The following KBTBD12 variants were observed in gnomAD, a reference collection of about 807,000 sequenced individuals.
The protein encoded by KBTBD12 is kelch repeat and BTB domain-containing protein 12.
KBTBD12 carries 53 observed loss-of-function variants against 58.7 expected under a neutral mutation model. The observed-to-expected ratio is 0.90, with a 90% CI of 0.72 to 1.14. The LOEUF (loss-of-function observed/expected upper bound fraction) is 1.14. KBTBD12 is among the 50% of genes most tolerant of loss of function. KBTBD12 has a pLI of 0.00. For missense variants in KBTBD12, 704 were observed against 751.3 expected (o/e 0.94, Z 0.74); for synonymous variants, 236 against 259.8 (o/e 0.91, Z 0.88).
chr3:127,964,983 C>A (rs764949492), intron 5 of KBTBD12, among the ~76,000 whole-genome samples: 12 of 152,184 alleles, frequency 7.9e-5, no homozygotes, highest in Admixed American at 4.6e-4. Context: ...AAGAAGGGAG[C>A]TGAGGAGCCA....
intron 5 of KBTBD12, among the ~76,000 whole-genome samples, chr3:127,964,138 C>T (rs1016349868): frequency 6.6e-6 from 1 of 152,004 alleles, no homozygotes; most frequent in African/African-American, 2.4e-5. Context: ...GTAAATAAGG[C>T]AGAATGCAGT....
chr3:127,939,097 G>C (rs1939889014), intron 4 of KBTBD12, among the ~76,000 whole-genome samples: 1 of 152,140 alleles, frequency 6.6e-6, no homozygotes, highest in Non-Finnish European at 1.5e-5. Flanking sequence ...TCAGAATGTA[G>C]ATATCCCCTC....
intron 5 of KBTBD12, among the ~76,000 whole-genome samples, chr3:127,982,393 G>T (rs968476645): frequency 2.0e-5 from 3 of 151,980 alleles, no homozygotes; most frequent in African/African-American, 4.8e-5. Flanking sequence ...CCCACACCCC[G>T]GGAGACAGTG....
Position 127,977,791 on chromosome 3 carries a change from T to C in KBTBD12, c.1691-6306T>C, listed in dbSNP as rs1940808141. On this transcript the variant is annotated intron_variant, in intron 5 of 5. Coordinates refer to ENST00000405109, the MANE Select transcript of KBTBD12 (RefSeq NM_207335.4). ...TTCTATAGGTTGTTTGTTTACTCTG[T>C]CGATAGTTTCTTTTGCTGTGCAGAA... 2.0e-5 allele frequency among the ~76,000 whole-genome samples: 3 copies of C among 152,346 alleles called. No individual in the cohort carries two copies. The South Asian group carries it at 6.2e-4, about 32-fold the overall frequency.
At chr3:127,940,703 TA>T (rs1427462025) in intron 4 of KBTBD12, among the ~76,000 whole-genome samples, 2 of 107,806 alleles carry the variant, frequency 1.9e-5, no homozygotes, top group Non-Finnish European at 3.9e-5. Flanking sequence ...AGAAAGTAAA[TA>T]AAGATAGGAG....
chr3:127,978,228 TG>T (rs1940818077), intron 5 of KBTBD12, among the ~76,000 whole-genome samples: 2 of 152,190 alleles, frequency 1.3e-5, no homozygotes, highest in African/African-American at 4.8e-5. Flanking sequence ...AACATCTCTT[TG>T]GGCCAAAAAC....
At chr3:127,919,417 ACG>A (rs2107585561) in intron 1 of KBTBD12, among the ~76,000 whole-genome samples, 1 of 152,284 alleles carries the variant, frequency 6.6e-6, no homozygotes, top group Admixed American at 6.5e-5. Flanking sequence ...TTTAGTAGAG[ACG>A]GGGTTTCACC....
At chr3:127,964,597 G>A (rs9871915) in intron 5 of KBTBD12, among the ~76,000 whole-genome samples, 8,596 of 148,392 alleles carry the variant, frequency 0.058, 301 homozygotes, top group Middle Eastern at 0.11. Flanking sequence ...AGCCAAGATC[G>A]TGCCACTACA....
At position 127,930,397 on chromosome 3, in the gene KBTBD12, C is replaced by T. The variant is rs557657200; in HGVS notation, c.1492+114C>T. The T allele has an allele frequency of 5.4e-4, 464 of 851,412 alleles. 3 individuals are homozygous for T. The highest frequency in any genetic ancestry group is 8.0e-4 in the Non-Finnish European group (440 of 551,736). 52.7% of individuals were successfully genotyped at this position (851,412 alleles called of 1,614,324 possible). ...TTGTATTCCAGTTCAAATTTATATA[C>T]AACTAGCTGAACTTTGTCTTTTATT... On this transcript the variant is annotated intron_variant, in intron 4 of 5. Transcript: ENST00000405109.
intron 4 of KBTBD12, among the ~76,000 whole-genome samples, chr3:127,931,377 G>GT (rs571186922): frequency 9.9e-4 from 151 of 152,096 alleles, no homozygotes; most frequent in African/African-American, 3.4e-3. Context: ...TTATAATTAA[G>GT]TTTTTTCTCT....
In KBTBD12 at chr3:127,930,272, T is replaced by G; in HGVS notation, c.1481T>G (p.Ile494Ser). The change falls in exon 4 of 6, where the codon ATT becomes AGT. Residue 494 changes from isoleucine (I) to serine (S), a missense_variant. Coordinates refer to ENST00000405109, the MANE Select transcript of KBTBD12 (RefSeq NM_207335.4). ...RFSTAVVNSE[I>S]YVLGGIGCVG... ...AGTACAGCTGTAGTCAACAGTGAGA[T>G]TTATGTTTTGGGTAAGAAGAAGCAG... is the stretch of plus-strand genomic sequence containing the variant. The G allele has an allele frequency of 1.2e-6, 2 of 1,611,250 alleles. No homozygotes were observed. The highest frequency in any genetic ancestry group is 1.7e-6 in the Non-Finnish European group (2 of 1,178,552).
chr3:127,971,823 A>T, intron 5 of KBTBD12, among the ~76,000 whole-genome samples: 1 of 152,188 alleles, frequency 6.6e-6, no homozygotes, highest in East Asian at 1.9e-4. Context: ...CTTCTAGGGG[A>T]CCCAAACAAC....
At chr3:127,954,453 T>C (rs1940277605) in intron 4 of KBTBD12, among the ~76,000 whole-genome samples, 3 of 152,338 alleles carry the variant, frequency 2.0e-5, no homozygotes, top group African/African-American at 7.2e-5. Context: ...TACCAGGGGC[T>C]GTCTCTTAGA....
In KBTBD12 at chr3:127,984,448, C is replaced by G. The variant is rs1940931528; in HGVS notation, c.*170C>G. 1.7e-6 allele frequency: 1 copy of G among 603,790 alleles called. No homozygotes were observed. Among genetic ancestry groups the G allele is most frequent in the Admixed American group, 3.1e-5 (1 of 32,692 alleles). 37.4% of individuals were successfully genotyped at this position (603,790 alleles called of 1,614,324 possible). On this transcript the variant is annotated 3_prime_UTR_variant, in exon 6 of 6. Transcript: ENST00000405109. Reference sequence around the variant, plus strand: ...GTGGGGAGCATGGGGAGTCTCCCTTCAGGGACTTCCCAGCCTGATAGGGTA... The same window carrying G: ...GTGGGGAGCATGGGGAGTCTCCCTTGAGGGACTTCCCAGCCTGATAGGGTA...
rs79869497 is a variant in KBTBD12, at chr3:127,960,549, C to T, written c.1493-2640C>T. On this transcript the variant is annotated intron_variant, in intron 4 of 5. Coordinates refer to ENST00000405109, the MANE Select transcript of KBTBD12 (RefSeq NM_207335.4). Reference sequence around the variant, plus strand: ...GTACTGATCCTACCCCAAGACACCTCTCATCAAAAGATTTCTCTTGTAGTG... The same window carrying T: ...GTACTGATCCTACCCCAAGACACCTTTCATCAAAAGATTTCTCTTGTAGTG... Among the ~76,000 whole-genome samples, 1,261 of 152,250 alleles carry T rather than the reference C, an allele frequency of 8.3e-3. 16 individuals are homozygous for T. Among genetic ancestry groups the T allele is most frequent in the African/African-American group, 0.027 (1,131 of 41,520 alleles).
At chr3:127,931,545 G>A (rs1939701080) in intron 4 of KBTBD12, among the ~76,000 whole-genome samples, 2 of 152,092 alleles carry the variant, frequency 1.3e-5, no homozygotes, top group Non-Finnish European at 2.9e-5. Context: ...AGCCAAAAGT[G>A]GGATAAAAGT....
rs73860729 is a variant in KBTBD12 at position 127,918,885 on chromosome 3, G to A, written c.-113+3299G>A. Among the ~76,000 whole-genome samples, 891 of 152,264 alleles carry A rather than the reference G, an allele frequency of 5.9e-3. 10 individuals carry two copies. The highest frequency in any genetic ancestry group is 0.02 in the African/African-American group (830 of 41,540). ...TGCCTGAATGAGGGGTAGTGTTGGTGAAAACAGGCCCGGGATATTTTTGTA... is the reference window on the plus strand; with the variant it reads ...TGCCTGAATGAGGGGTAGTGTTGGTAAAAACAGGCCCGGGATATTTTTGTA... On this transcript the variant is annotated intron_variant, in intron 1 of 5. Transcript: ENST00000405109.
chr3:127,938,178 CTA>C (rs1399687524), intron 4 of KBTBD12, among the ~76,000 whole-genome samples: 2 of 152,018 alleles, frequency 1.3e-5, no homozygotes, highest in East Asian at 3.9e-4. Context: ...TTAAGATAGA[CTA>C]TTTTAATATC....
At chr3:127,918,260 A>G (rs1411397718) in intron 1 of KBTBD12, among the ~76,000 whole-genome samples, 1 of 152,242 alleles carries the variant, frequency 6.6e-6, no homozygotes, top group Non-Finnish European at 1.5e-5. Context: ...GTGAATGGCA[A>G]TAGCAGTGCA....
Sources: allele counts gnomAD v4.1 joint callset (sites outside exome capture counted in the v4.1 genomes callset), GRCh38; gene constraint gnomAD v4.1.1; transcripts MANE v1.5; gene names NCBI Gene and HGNC (gene_info 2026-07-23, HGNC 2026-07-21).